The following TTC6 variants were observed in gnomAD, a reference collection of about 807,000 sequenced individuals.
The protein encoded by TTC6 is tetratricopeptide repeat domain 6, also known as tetratricopeptide repeat protein 6.
Under a neutral mutation model 210.4 loss-of-function variants are expected in TTC6, and 172 were observed. The ratio of observed to expected loss-of-function variants is 0.82; its 90% CI spans 0.72 to 0.93. The LOEUF is 0.93. Ranked by LOEUF, TTC6 falls within the 40% of genes least tolerant of loss-of-function variation. The pLI is 0.00. For synonymous variants in TTC6, 804 were observed against 819.6 expected, an observed-to-expected ratio of 0.98 and a Z score of 0.32; for missense variants, 2,414 against 2,318.1, an observed-to-expected ratio of 1.04 and a Z score of -0.85.
chr14:37,684,986 A>G (rs1335859261), intron 3 of TTC6, among the ~76,000 whole-genome samples: 1 of 152,166 alleles, frequency 6.6e-6, no homozygotes, highest in African/African-American at 2.4e-5. Context: ...AATTTGATCA[A>G]TCCTTACCTA....
chr14:37,664,565 G>A (rs1352976563), intron 1 of TTC6, among the ~76,000 whole-genome samples: 1 of 150,318 alleles, frequency 6.7e-6, no homozygotes, highest in Non-Finnish European at 1.5e-5. Flanking sequence ...GAAAATCTAG[G>A]CAGTATCATC....
chr14:37,710,919 T>G (rs1249915433), intron 5 of TTC6, among the ~76,000 whole-genome samples: 1 of 152,114 alleles, frequency 6.6e-6, no homozygotes, highest in Non-Finnish European at 1.5e-5. Context: ...TTAGGCTGTT[T>G]TAGGAAAGAT....
intron 1 of TTC6, among the ~76,000 whole-genome samples, chr14:37,653,075 A>G (rs1024553250): frequency 2.0e-5 from 3 of 152,190 alleles, no homozygotes; most frequent in Non-Finnish European, 4.4e-5. Flanking sequence ...AATCTCTCCT[A>G]TTCTTTTTTT....
intron 5 of TTC6, among the ~76,000 whole-genome samples, chr14:37,710,491 C>CT (rs1451093493): frequency 6.6e-6 from 1 of 152,150 alleles, no homozygotes; most frequent in East Asian, 1.9e-4. Flanking sequence ...AACTTTCACT[C>CT]TGAGAGAGGT....
At chr14:37,800,537 T>G (rs2096104079) in intron 20 of TTC6, among the ~76,000 whole-genome samples, 1 of 152,152 alleles carries the variant, frequency 6.6e-6, no homozygotes, top group Non-Finnish European at 1.5e-5. Flanking sequence ...AACACTTTGC[T>G]AAGAACTTAG....
chr14:37,807,451 C>T (rs1339786091), exon 23 of TTC6: 1 of 1,502,296 alleles, frequency 6.7e-7, no homozygotes, highest in Non-Finnish European at 8.9e-7. Flanking sequence ...TTCTGAAATA[C>T]TACAACAAGG....
intron 10 of TTC6, among the ~76,000 whole-genome samples, chr14:37,746,786 T>A (rs188531883): frequency 4.1e-4 from 62 of 152,258 alleles, no homozygotes; most frequent in African/African-American, 1.4e-3. Flanking sequence ...CACAGTATAG[T>A]CATTGAAAGA....
Position 37,666,768 on chromosome 14 carries a change from C to T in TTC6, c.940-13383C>T, listed in dbSNP as rs142776106. Among the ~76,000 whole-genome samples, 35 of 150,464 alleles carry T rather than the reference C, an allele frequency of 2.3e-4. 1 individual carries two copies. The highest frequency in any genetic ancestry group is 8.0e-4 in the African/African-American group (33 of 41,428). On this transcript the variant is annotated intron_variant, in intron 1 of 30. Transcript: ENST00000553443. Reference sequence around the variant, plus strand: ...GGAAAGACAGTTACCCAACCCCTGTCCTGGTAAGGTCCACAGCAATTCAGG... The same window carrying T: ...GGAAAGACAGTTACCCAACCCCTGTTCTGGTAAGGTCCACAGCAATTCAGG...
At position 37,804,834 on chromosome 14, in the gene TTC6, G is replaced by A. The variant is rs764962864; in HGVS notation, c.4164+20G>A. 4.3e-6 allele frequency: 7 copies of A among 1,610,506 alleles called. No homozygotes were observed. Among genetic ancestry groups the A allele is most frequent in the East Asian group, 2.2e-5 (1 of 44,848 alleles). On this transcript the variant is annotated intron_variant, in intron 21 of 30. Transcript: ENST00000553443. ...CAAATGGTATTTCGTGTATTTAGGA[G>A]TATAGATTATTTGTGATTTTAGAGA...
At chr14:37,758,285 A>C (rs1202842435) in intron 14 of TTC6, among the ~76,000 whole-genome samples, 1 of 152,122 alleles carries the variant, frequency 6.6e-6, no homozygotes, top group East Asian at 1.9e-4. Flanking sequence ...TGGAATGATA[A>C]AGTCTCCCAT....
chr14:37,818,394 A>G (rs2096147320), intron 26 of TTC6, among the ~76,000 whole-genome samples: 1 of 152,130 alleles, frequency 6.6e-6, no homozygotes, highest in Non-Finnish European at 1.5e-5. Flanking sequence ...AAAATTATTG[A>G]GATTCAGCCT....
chr14:37,701,411 C>T (rs1196897641), exon 5 of TTC6: 37 of 1,532,684 alleles, frequency 2.4e-5, no homozygotes, highest in African/African-American at 1.4e-4. Context: ...TGTTGACTTG[C>T]GCCTGGCTTC....
chr14:37,788,988 T>A (rs2096073616), intron 15 of TTC6, among the ~76,000 whole-genome samples: 1 of 152,078 alleles, frequency 6.6e-6, no homozygotes, highest in Non-Finnish European at 1.5e-5. Flanking sequence ...TCTCCCCACT[T>A]CTAGGCTATC....
chr14:37,638,173 TA>T (rs1242343921), intron 1 of TTC6, among the ~76,000 whole-genome samples: 2 of 152,252 alleles, frequency 1.3e-5, no homozygotes, highest in African/African-American at 4.8e-5. Flanking sequence ...AATCTGCAGA[TA>T]ATTATGCTGA....
intron 7 of TTC6, among the ~76,000 whole-genome samples, chr14:37,733,779 A>G (rs936270557): frequency 6.6e-6 from 1 of 151,958 alleles, no homozygotes; most frequent in Non-Finnish European, 1.5e-5. Context: ...AGTAATCTCT[A>G]TCCATTCTCT....
Position 37,735,299 on chromosome 14 carries a change from G to T in TTC6, c.1819-622G>T, listed in dbSNP as rs576163025. The stretch of plus-strand genomic sequence containing the variant: ...ATTTAAAAAAGCAAAGTAGTAGTAT[G>T]ATTTAATTAATCATTAATCTACCCG... On this transcript the variant is annotated intron_variant, in intron 7 of 30. Transcript: ENST00000553443. Among the ~76,000 whole-genome samples, 4 of 152,262 alleles carry T rather than the reference G, an allele frequency of 2.6e-5. No individual in the cohort carries two copies. In the South Asian group the frequency reaches 6.2e-4, roughly 24 times the overall value.
intron 13 of TTC6, among the ~76,000 whole-genome samples, chr14:37,752,547 C>T (rs959866776): frequency 1.3e-5 from 2 of 150,246 alleles, no homozygotes; most frequent in Admixed American, 6.7e-5. Flanking sequence ...AATATTTGGT[C>T]ATCTCCTTTG....
chr14:37,795,445 C>T (rs1372487783), intron 18 of TTC6, 93 bp downstream of exon 20: 3 of 722,236 alleles, frequency 4.2e-6, no homozygotes, highest in South Asian at 2.8e-5. Context: ...CTTTCAGGCT[C>T]CCCATTTTAC....
chr14:37,701,105 T>A (rs527984127), intron 4 of TTC6, among the ~76,000 whole-genome samples: 1 of 152,078 alleles, frequency 6.6e-6, no homozygotes, highest in East Asian at 1.9e-4. Flanking sequence ...TCTGTAGAGG[T>A]GTAGGTTGAG....
Sources: gnomAD v4.1 joint callset for allele counts (sites outside exome capture counted in the v4.1 genomes callset) on GRCh38, gnomAD v4.1.1 for gene constraint, MANE v1.5 for transcripts, NCBI Gene and HGNC (gene_info 2026-07-23, HGNC 2026-07-21) for gene names.